The following PDE4D variants were observed in gnomAD, a reference collection of about 807,000 sequenced individuals.
PDE4D encodes the protein phosphodiesterase 4D.
A neutral mutation model predicts 87.4 loss-of-function variants in PDE4D; 24 were observed. The ratio of observed to expected loss-of-function variants is 0.27; its 90% CI spans 0.20 to 0.39. The LOEUF (loss-of-function observed/expected upper bound fraction) is 0.39. Ranked by LOEUF, PDE4D falls within the 10% of genes least tolerant of loss-of-function variation. The probability of loss-of-function intolerance (pLI) is 1.00; values close to 1 mark genes in which losing one functional copy is unlikely to be tolerated. For missense variants in PDE4D, 714 were observed against 1,041.0 expected, an observed-to-expected ratio of 0.69 and a Z score of 4.32; for synonymous variants, 384 against 383.2, an observed-to-expected ratio of 1.00 and a Z score of -0.02.
At chr5:59,815,997 C>T (rs1768932978) in intron 1 of PDE4D, among the ~76,000 whole-genome samples, 1 of 152,126 alleles carries the variant, frequency 6.6e-6, no homozygotes, top group Non-Finnish European at 1.5e-5. Flanking sequence ...GTGGAAAAGC[C>T]ATACATATCT....
chr5:59,180,679 T>C, intron 4 of PDE4D, 35 bp from the exon 5 acceptor site: 1 of 1,583,142 alleles, frequency 6.3e-7, no homozygotes, highest in Non-Finnish European at 8.7e-7. Flanking sequence ...GCAGTAAATA[T>C]GTGGGGCTTA....
chr5:59,794,411 C>A (rs914607916), intron 1 of PDE4D, among the ~76,000 whole-genome samples: 7 of 152,156 alleles, frequency 4.6e-5, no homozygotes, highest in Admixed American at 1.3e-4. Context: ...GAGATGCCAT[C>A]TGTGAGGCTG....
At chr5:60,240,833 C>G (rs1747028577) in intron 1 of PDE4D, among the ~76,000 whole-genome samples, 1 of 152,044 alleles carries the variant, frequency 6.6e-6, no homozygotes, top group Non-Finnish European at 1.5e-5. Flanking sequence ...TTTGTGGTAC[C>G]CCCGATGCAG....
At chr5:59,155,624 T>G in intron 5 of PDE4D, among the ~76,000 whole-genome samples, 1 of 152,138 alleles carries the variant, frequency 6.6e-6, no homozygotes, top group Admixed American at 6.5e-5. Context: ...GTATTGTTTT[T>G]AAGATTGTGA....
intron 1 of PDE4D, among the ~76,000 whole-genome samples, chr5:59,330,907 C>G (rs750654047): frequency 7.2e-5 from 11 of 152,068 alleles, no homozygotes; most frequent in Admixed American, 6.5e-5. Flanking sequence ...GTGATGGATG[C>G]CTCTACCCTG....
chr5:59,506,998 T>C (rs1374711502), intron 1 of PDE4D, among the ~76,000 whole-genome samples: 2 of 152,188 alleles, frequency 1.3e-5, no homozygotes, highest in Non-Finnish European at 2.9e-5. Context: ...AGCAGCATGA[T>C]TTGTAATAGT....
At chr5:59,879,431 T>C (rs1056470521) in intron 1 of PDE4D, among the ~76,000 whole-genome samples, 2 of 152,184 alleles carry the variant, frequency 1.3e-5, no homozygotes, top group Non-Finnish European at 2.9e-5. Context: ...GATACTACAG[T>C]TTTTAACTAT....
intron 1 of PDE4D, among the ~76,000 whole-genome samples, chr5:59,864,075 C>A (rs1468140855): frequency 6.6e-6 from 1 of 152,070 alleles, no homozygotes; most frequent in Non-Finnish European, 1.5e-5. Context: ...ATCTTGGAGG[C>A]TCTTCAGAAA....
chr5:60,182,190 A>T (rs1784426699), intron 2 of PDE4D, among the ~76,000 whole-genome samples: 1 of 152,212 alleles, frequency 6.6e-6, no homozygotes, highest in Non-Finnish European at 1.5e-5. Flanking sequence ...TTTTCAGTAA[A>T]ATTAAAATTA....
At chr5:60,339,329 C>T (rs1476518869) in intron 1 of PDE4D, among the ~76,000 whole-genome samples, 7 of 152,086 alleles carry the variant, frequency 4.6e-5, no homozygotes, top group Non-Finnish European at 8.8e-5. Flanking sequence ...CACTTCCATA[C>T]CTCGAAGGTG....
At chr5:59,858,534 C>G (rs1745796994) in intron 1 of PDE4D, among the ~76,000 whole-genome samples, 1 of 151,970 alleles carries the variant, frequency 6.6e-6, no homozygotes, top group South Asian at 2.1e-4. Context: ...TCTTCCATCT[C>G]CACGAGAAGA....
At chr5:60,376,564 T>C (rs1385466645) in intron 1 of PDE4D, among the ~76,000 whole-genome samples, 1 of 152,180 alleles carries the variant, frequency 6.6e-6, no homozygotes, top group Non-Finnish European at 1.5e-5. Context: ...CATATGTCCT[T>C]CATGTTTAAA....
rs181292195 is a variant in PDE4D at position 60,342,539 on chromosome 5, G to A, written c.-90+145403C>T. On this transcript the variant is annotated intron_variant, in intron 1 of 16. Transcript: ENST00000502484. The stretch of plus-strand genomic sequence containing the variant: ...GGAACAATAACTGACGTGGAGGAAA[G>A]CTCAAAAACTCTTAGCCATTATTAT... 6.4e-3 allele frequency among the ~76,000 whole-genome samples: 979 copies of A among 152,258 alleles called. 7 individuals are homozygous for A. The highest frequency in any genetic ancestry group is 0.023 in the African/African-American group (943 of 41,556).
rs1373227278 is a variant in PDE4D at position 58,988,606 on chromosome 5, C to T, written c.1453-14G>A. 1.6e-6 allele frequency: 2 copies of T among 1,287,562 alleles called. No homozygotes were observed. The highest frequency in any genetic ancestry group is 1.1e-6 in the Non-Finnish European group (1 of 932,852). 79.8% of individuals were successfully genotyped at this position (1,287,562 alleles called of 1,614,324 possible). The stretch of plus-strand genomic sequence containing the variant: ...TGTAAACACAGCCTGGAAAATCAGA[C>T]AATATAGATAATATTACTATTCTAC... On this transcript the variant is annotated splice_polypyrimidine_tract_variant and intron_variant, in intron 10 of 14. Coordinates refer to ENST00000340635, the MANE Select transcript of PDE4D (RefSeq NM_001104631.2).
chr5:59,212,448 T>C (rs977241822), intron 2 of PDE4D, among the ~76,000 whole-genome samples: 13 of 152,124 alleles, frequency 8.5e-5, no homozygotes, highest in African/African-American at 2.9e-4. Flanking sequence ...CAGCAAAATA[T>C]AGTGTTGACT....
At chr5:60,057,022 T>C (rs1260557295) in intron 2 of PDE4D, among the ~76,000 whole-genome samples, 1 of 152,206 alleles carries the variant, frequency 6.6e-6, no homozygotes, top group African/African-American at 2.4e-5. Flanking sequence ...TTCCCACATA[T>C]ATAAACAATT....
intron 2 of PDE4D, among the ~76,000 whole-genome samples, chr5:59,207,500 G>A (rs1000971607): frequency 9.2e-5 from 14 of 152,014 alleles, no homozygotes; most frequent in African/African-American, 3.4e-4. Context: ...CTTTCAAAAT[G>A]TTCTTCAAAC....
intron 1 of PDE4D, among the ~76,000 whole-genome samples, chr5:59,485,890 T>C (rs998651120): frequency 2.0e-5 from 3 of 152,088 alleles, no homozygotes; most frequent in Non-Finnish European, 4.4e-5. Flanking sequence ...TGCTTGATTT[T>C]TCCGTTTTGT....
chr5:60,507,086 A>ATT (rs902063922), intron 1 of PDE4D, among the ~76,000 whole-genome samples: 1 of 146,634 alleles, frequency 6.8e-6, no homozygotes, highest in Admixed American at 6.8e-5. Context: ...ATATTAAGTG[A>ATT]TTTTTTTTTT....
Sources: gnomAD v4.1 joint callset for allele counts (sites outside exome capture counted in the v4.1 genomes callset) on GRCh38, gnomAD v4.1.1 for gene constraint, MANE v1.5 for transcripts, NCBI Gene and HGNC (gene_info 2026-07-23, HGNC 2026-07-21) for gene names.